The following TRAK1 variants were observed in gnomAD, a reference collection of about 807,000 sequenced individuals.
TRAK1 encodes the protein trafficking kinesin-binding protein 1.
Under a neutral mutation model 92.1 loss-of-function variants are expected in TRAK1, and 33 were observed. The ratio of observed to expected loss-of-function variants is 0.36; its 90% CI spans 0.27 to 0.48. TRAK1 has a LOEUF of 0.48. Ranked by LOEUF, TRAK1 falls within the 20% of genes least tolerant of loss-of-function variation. The probability of loss-of-function intolerance (pLI) is 0.99; values close to 1 mark genes in which losing one functional copy is unlikely to be tolerated. For synonymous variants in TRAK1, 521 were observed against 517.3 expected (o/e 1.01, Z -0.10); for missense variants, 1,123 against 1,257.9 (o/e 0.89, Z 1.62).
rs140638437 is a variant in TRAK1 at position 42,199,236 on chromosome 3, C to T, written c.1173C>T (p.Ala391=). The change falls in exon 11 of 16, where the codon GCC becomes GCT. Residue 391 remains alanine, a synonymous_variant. Transcript: ENST00000327628. ...GCAAGGAGCTGCAGTTGGAAGAGGC[C>T]GAGTCTCCAGACATCACGTACGGCC... The part of the protein sequence containing the change: ...TMRKELQLEE[A]ESPDITHQKR... The T allele has an allele frequency of 1.6e-4, 263 of 1,613,888 alleles. No homozygotes were observed. In the East Asian group the frequency reaches 3.5e-3, roughly 22 times the overall value.
chr3:42,102,358 C>G (rs1024579571), intron 1 of TRAK1, among the ~76,000 whole-genome samples: 2 of 152,206 alleles, frequency 1.3e-5, no homozygotes, highest in South Asian at 2.1e-4. Context: ...GCTTCTTTTA[C>G]CTTGGGTTTT....
At chr3:42,045,231 A>G (rs1409979847) in intron 1 of TRAK1, among the ~76,000 whole-genome samples, 1 of 152,056 alleles carries the variant, frequency 6.6e-6, no homozygotes, top group Non-Finnish European at 1.5e-5. Context: ...TCACATTATT[A>G]CTCATTTAAA....
intron 1 of TRAK1, among the ~76,000 whole-genome samples, chr3:42,103,393 T>G (rs555172956): frequency 2.0e-5 from 3 of 152,152 alleles, no homozygotes; most frequent in Non-Finnish European, 2.9e-5. Flanking sequence ...CAGGCTGGTC[T>G]CAAACTGCTG....
At chr3:42,038,787 C>CA (rs34444971) in intron 1 of TRAK1, among the ~76,000 whole-genome samples, 5,698 of 61,982 alleles carry the variant, frequency 0.092, 770 homozygotes, top group African/African-American at 0.32. Flanking sequence ...GACTTCATCT[C>CA]AAAAAAAAAA....
intron 1 of TRAK1, among the ~76,000 whole-genome samples, chr3:42,058,480 G>A (rs1703289109): frequency 6.6e-6 from 1 of 152,020 alleles, no homozygotes; most frequent in Non-Finnish European, 1.5e-5. Context: ...TGGGATTACA[G>A]GCGCCCCCGC....
intron 1 of TRAK1, among the ~76,000 whole-genome samples, chr3:42,060,479 G>A (rs1326452232): frequency 6.6e-6 from 1 of 152,066 alleles, no homozygotes; most frequent in Non-Finnish European, 1.5e-5. Flanking sequence ...GGAGAGTAAT[G>A]TAACGGTAGA....
chr3:42,175,335 A>C, intron 2 of TRAK1, among the ~76,000 whole-genome samples: 1 of 152,172 alleles, frequency 6.6e-6, no homozygotes, highest in Admixed American at 6.5e-5. Context: ...GTCTTCACTT[A>C]AGCACTTGTG....
chr3:42,186,071 C>A (rs1024972706), intron 4 of TRAK1, among the ~76,000 whole-genome samples: 1 of 145,770 alleles, frequency 6.9e-6, no homozygotes, highest in Non-Finnish European at 1.5e-5. Flanking sequence ...CAGCCTTGAC[C>A]TCCTGGATTC....
chr3:42,078,300 C>T (rs73828526), intron 1 of TRAK1, among the ~76,000 whole-genome samples: 3,138 of 152,172 alleles, frequency 0.021, 120 homozygotes, highest in African/African-American at 0.072. Context: ...CAGTCAAGCA[C>T]GGATCTAGAT....
At chr3:42,068,709 G>T (rs1012291455) in intron 1 of TRAK1, among the ~76,000 whole-genome samples, 25 of 152,102 alleles carry the variant, frequency 1.6e-4, no homozygotes, top group African/African-American at 5.8e-4. Flanking sequence ...TCTCCATTTC[G>T]CCAACAAGTT....
chr3:42,111,978 A>T (rs1425345464), intron 1 of TRAK1, among the ~76,000 whole-genome samples: 1 of 147,884 alleles, frequency 6.8e-6, no homozygotes, highest in East Asian at 2.0e-4. Flanking sequence ...TCCCTTTTTC[A>T]GGAGACTGGT....
chr3:42,200,734 G>T, intron 11 of TRAK1, 84 bp from the exon 12 acceptor site: 1 of 1,413,302 alleles, frequency 7.1e-7, no homozygotes, highest in Non-Finnish European at 1.0e-6. Context: ...GTGCCCTTTT[G>T]GCTCAGTTGA....
At chr3:42,175,271 G>C (rs1311717312) in intron 2 of TRAK1, among the ~76,000 whole-genome samples, 4 of 152,178 alleles carry the variant, frequency 2.6e-5, no homozygotes, top group African/African-American at 9.7e-5. Context: ...CTGCACGCCT[G>C]CAGACCATCA....
chr3:42,199,143 C>T (rs762679683), intron 10 of TRAK1, 34 bp from the exon 11 acceptor site: 2 of 1,611,732 alleles, frequency 1.2e-6, no homozygotes, highest in Non-Finnish European at 1.7e-6. Flanking sequence ...TGAATTGGCG[C>T]TCACTTGACA....
At chr3:42,217,895 T>C in intron 14 of TRAK1, 1 of 985,340 alleles carries the variant, frequency 1.0e-6, no homozygotes, top group Non-Finnish European at 1.2e-6. Context: ...CTTATTGGAG[T>C]TCCTGAGCCA....
At chr3:42,173,916 C>A (rs1482981358) in intron 2 of TRAK1, among the ~76,000 whole-genome samples, 1 of 152,192 alleles carries the variant, frequency 6.6e-6, no homozygotes. Context: ...CATTTGCCAC[C>A]TGCTAGCTGT....
chr3:42,088,252 T>C (rs1704786259), upstream of TRAK1, among the ~76,000 whole-genome samples: 1 of 152,238 alleles, frequency 6.6e-6, no homozygotes, highest in South Asian at 2.1e-4. Context: ...CTTGAGGACC[T>C]CCTGTGTGTC....
At chr3:42,103,326 C>G (rs1707065215) in intron 1 of TRAK1, among the ~76,000 whole-genome samples, 1 of 152,144 alleles carries the variant, frequency 6.6e-6, no homozygotes, top group South Asian at 2.1e-4. Context: ...TGCCACCACA[C>G]TCAGCTAATT....
intron 1 of TRAK1, among the ~76,000 whole-genome samples, chr3:42,030,716 A>G (rs1576126386): frequency 1.8e-4 from 2 of 11,404 alleles, no homozygotes; most frequent in African/African-American, 1.1e-4. Context: ...ATATATATAT[A>G]TATATATATA....
Sources: gnomAD v4.1 joint callset for allele counts (sites outside exome capture counted in the v4.1 genomes callset) on GRCh38, gnomAD v4.1.1 for gene constraint, MANE v1.5 for transcripts, NCBI Gene and HGNC (gene_info 2026-07-23, HGNC 2026-07-21) for gene names.